C1QTNF8: variants seen among roughly 807,000 people sequenced by gnomAD.
C1QTNF8 encodes C1q and TNF related 8.
Under a neutral mutation model 19.2 loss-of-function variants are expected in C1QTNF8, and 27 were observed. The ratio of observed to expected loss-of-function variants is 1.41; its 90% CI spans 1.04 to 1.94. The LOEUF is 1.94. Among genes scored for constraint, C1QTNF8 ranks in the 30% most tolerant of loss-of-function variants. The pLI is 0.00. For missense variants in C1QTNF8, 484 were observed against 374.4 expected (o/e 1.29, Z -2.42); for synonymous variants, 208 against 172.8 (o/e 1.20, Z -1.60).
intron 4 of C1QTNF8, among the ~76,000 whole-genome samples, chr16:1,091,626 C>T (rs1253264896): frequency 6.6e-6 from 1 of 152,178 alleles, no homozygotes; most frequent in Non-Finnish European, 1.5e-5. Flanking sequence ...ACAACTGCAG[C>T]CAGGCCATGT....
At position 1,093,818 on chromosome 16, in the gene C1QTNF8, C is replaced by T. The variant is rs917368351; in HGVS notation, c.442G>A (p.Ala148Thr). The T allele has an allele frequency of 6.2e-7, 1 of 1,609,920 alleles. No homozygotes were observed. The highest frequency in any genetic ancestry group is 8.5e-7 in the Non-Finnish European group (1 of 1,179,564). ...FDTELVNLDGAFDLAAGRFLC... is the reference protein window; with the variant it reads ...FDTELVNLDGTFDLAAGRFLC... ...AAGCGGCCCGCGGCCAGGTCGAAGG[C>T]GCCGTCCAGGTTCACCAGCTCCGTG... Residue 148 changes from alanine to threonine, a missense_variant, in exon 4 of 5, where the codon GCC becomes ACC. Transcript: ENST00000328449.
rs138636330 is a variant in C1QTNF8 at position 1,094,171 on chromosome 16, G to A, written c.209-120C>T. 351 of 772,976 alleles carry A rather than the reference G, an allele frequency of 4.5e-4. 1 individual carries two copies. In the African/African-American group the frequency reaches 5.9e-3, roughly 13 times the overall value. The allele number at this position is 772,976 out of a possible 1,614,324, so 47.9% of individuals were successfully genotyped here. A position where few individuals can be genotyped will look rare whatever the true frequency, so the allele number is the denominator to read the frequency against. On this transcript the variant is annotated intron_variant, in intron 3 of 4. Coordinates refer to ENST00000328449, the MANE Select transcript of C1QTNF8 (RefSeq NM_207419.3). The stretch of plus-strand genomic sequence containing the variant: ...CTGTAAGGACACACTCTTTGCAAGT[G>A]ACGGCCCCTCTCCCAGTCTCCGCGT...
At position 1,094,927 on chromosome 16, in the gene C1QTNF8, G is replaced by A; in HGVS notation, c.-5C>T. ...CAGCAGGGCGGGGGCTGCCATCTTGGCCAGGGCTGGGGGAGAGGAAAGAGG... is the reference window on the plus strand; with the variant it reads ...CAGCAGGGCGGGGGCTGCCATCTTGACCAGGGCTGGGGGAGAGGAAAGAGG... On this transcript the variant is annotated 5_prime_UTR_variant, in exon 3 of 5. Transcript: ENST00000328449. 1 of 1,295,242 alleles carries A rather than the reference G, an allele frequency of 7.7e-7. No homozygotes were observed. The highest frequency in any genetic ancestry group is 3.1e-5 in the East Asian group (1 of 32,196). 80.2% of individuals were successfully genotyped at this position (1,295,242 alleles called of 1,614,324 possible). A position where few individuals can be genotyped will look rare whatever the true frequency, so the allele number is the denominator to read the frequency against.
intron 3 of C1QTNF8, 93 bp downstream of exon 3, chr16:1,094,622 C>T: frequency 1.9e-6 from 2 of 1,060,110 alleles, no homozygotes; most frequent in Non-Finnish European, 2.7e-6. Context: ...CGTGCCCCTC[C>T]CGCCCCTCCT....
chr16:1,094,488 C>A (rs942099538), intron 3 of C1QTNF8: 1 of 494,822 alleles, frequency 2.0e-6, no homozygotes, highest in Non-Finnish European at 3.5e-6. Context: ...CCCCCTTCCC[C>A]AGGATCCTCA....
At position 1,089,960 on chromosome 16, in the gene C1QTNF8, C is replaced by T. The variant is rs976258515; in HGVS notation, c.*639G>A. 1.3e-5 allele frequency: 2 copies of T among 152,366 alleles called. No homozygotes were observed. The highest frequency in any genetic ancestry group is 3.9e-4 in the East Asian group (2 of 5,194). 9.4% of individuals were successfully genotyped at this position (152,366 alleles called of 1,614,324 possible). The stretch of plus-strand genomic sequence containing the variant: ...CCGCTATCCCAGCCAGGAGCAGACT[C>T]AGGCCCTGGGCCAAAGTGCAGCCTG... On this transcript the variant is annotated 3_prime_UTR_variant, in exon 5 of 5. Transcript: ENST00000328449.
chr16:1,091,708 G>A (rs1187263715), intron 4 of C1QTNF8, among the ~76,000 whole-genome samples: 4 of 152,126 alleles, frequency 2.6e-5, no homozygotes, highest in Non-Finnish European at 5.9e-5. Flanking sequence ...CGGCTCTGGT[G>A]CCCATCAGGG....
In C1QTNF8 at chr16:1,088,534, G is replaced by A. The variant is rs1381238506; in HGVS notation, c.*2065C>T. On this transcript the variant is annotated 3_prime_UTR_variant, in exon 5 of 5. Transcript: ENST00000328449. ...AGCATCCCTCTTTCCGCTCCCACCT[G>A]GCACTGGCAGCGTCCCTCAGGCTTT... Among the ~76,000 whole-genome samples the A allele has an allele frequency of 6.6e-6, 1 of 152,206 alleles. No individual in the cohort carries two copies. The highest frequency in any genetic ancestry group is 1.5e-5 in the Non-Finnish European group (1 of 68,034).
chr16:1,093,414 C>A lies in C1QTNF8; in HGVS notation c.*4+83G>T, dbSNP rs1439130965. The A allele has an allele frequency of 3.1e-5, 28 of 909,204 alleles. No individual in the cohort carries two copies. The South Asian group carries it at 3.5e-4, about 11-fold the overall frequency. The allele number at this position is 909,204 out of a possible 1,614,324, so 56.3% of individuals were successfully genotyped here. A position where few individuals can be genotyped will look rare whatever the true frequency, so the allele number is the denominator to read the frequency against. Reference sequence around the variant, plus strand: ...CCCACACCCACCCACACACACACACCCACACCCACCCCCACACACACACAC... The same window carrying A: ...CCCACACCCACCCACACACACACACACACACCCACCCCCACACACACACAC... On this transcript the variant is annotated intron_variant, in intron 4 of 4. Coordinates refer to ENST00000328449, the MANE Select transcript of C1QTNF8 (RefSeq NM_207419.3).
chr16:1,093,609 G>T lies in C1QTNF8; in HGVS notation c.651C>A (p.Val217=). 1 of 1,604,466 alleles carries T rather than the reference G, an allele frequency of 6.2e-7. No individual in the cohort carries two copies. Among genetic ancestry groups the T allele is most frequent in the Non-Finnish European group, 8.5e-7 (1 of 1,175,894 alleles). Residue 217 remains valine, a synonymous_variant, in exon 4 of 5, where the codon GTC becomes GTA. Coordinates refer to ENST00000328449, the MANE Select transcript of C1QTNF8 (RefSeq NM_207419.3). ...LMLLLAAGDA[V]WVRMFQRDRD... is the part of the protein sequence containing the mutation. Reference sequence around the variant, plus strand: ...GGTCGCGCTGGAACATGCGCACCCAGACGGCGTCGCCCGCCGCCAGCAGCA... The same window carrying T: ...GGTCGCGCTGGAACATGCGCACCCATACGGCGTCGCCCGCCGCCAGCAGCA...
rs763691047 is a variant in C1QTNF8 at position 1,093,517 on chromosome 16, G to A, written c.743C>T (p.Pro248Leu). The change falls in exon 4 of 5, where the codon CCG becomes CTG. Residue 248 changes from proline (P) to leucine (L), a missense_variant. Pro to Leu is a moderately conservative substitution (Grantham distance 98). Transcript: ENST00000328449. ...YITFSGHLVKPAAEL is the reference protein window; with the variant it reads ...YITFSGHLVKLAAEL ...CTCACCCGGCTACAGCTCGGCGGCC[G>A]GCTTGACCAGGTGGCCGCTGAAGGT... 3.9e-6 allele frequency: 6 copies of A among 1,541,200 alleles called. No individual in the cohort carries two copies. The highest frequency in any genetic ancestry group is 4.0e-4 in the Middle Eastern group (2 of 5,036).
rs768564044 is a variant in C1QTNF8, at chr16:1,093,961, C to T, written c.299G>A (p.Gly100Asp). ...PGARGLQGRRGQKGQVGPPGA... is the reference protein window; with the variant it reads ...PGARGLQGRRDQKGQVGPPGA... ...CGGCGGCCCCACCTGCCCCTTCTGG[C>T]CTCTGCGGCCCTGCAGGCCCCGGGC... Residue 100 changes from glycine (G) to aspartate (D), a missense_variant, in exon 4 of 5, where the codon GGC (glycine) becomes GAC (aspartate). Transcript: ENST00000328449. 12 of 1,481,158 alleles carry T rather than the reference C, an allele frequency of 8.1e-6. No individual in the cohort carries two copies. In the African/African-American group the frequency reaches 1.6e-4, roughly 20 times the overall value. The allele number at this position is 1,481,158 out of a possible 1,614,324, so 91.8% of individuals were successfully genotyped here. A position where few individuals can be genotyped will look rare whatever the true frequency, so the allele number is the denominator to read the frequency against.
At position 1,093,466 on chromosome 16, in the gene C1QTNF8, G is replaced by C. The variant is rs1466762136; in HGVS notation, c.*4+31C>G. 1.2e-5 allele frequency: 16 copies of C among 1,356,796 alleles called. 1 individual carries two copies. Among genetic ancestry groups the C allele is most frequent in the Admixed American group, 8.5e-5 (3 of 35,416 alleles). The allele number at this position is 1,356,796 out of a possible 1,614,324, so 84.0% of individuals were successfully genotyped here. On this transcript the variant is annotated intron_variant, in intron 4 of 4. Coordinates refer to ENST00000328449, the MANE Select transcript of C1QTNF8 (RefSeq NM_207419.3). ...CAGACACACACACACACGCGCGCGC[G>C]CGCCCGGTGCTCAGCCGCGGGGCCC...
chr16:1,088,857 G>A lies in C1QTNF8; in HGVS notation c.*1742C>T, dbSNP rs1018998896. ...TATCCGCAGCTGCAACTACCTATAGGCCACGGCGACGTCTGTGCGGGGAGG... is the reference window on the plus strand; with the variant it reads ...TATCCGCAGCTGCAACTACCTATAGACCACGGCGACGTCTGTGCGGGGAGG... On this transcript the variant is annotated 3_prime_UTR_variant, in exon 5 of 5. Coordinates refer to ENST00000328449, the MANE Select transcript of C1QTNF8 (RefSeq NM_207419.3). 3.3e-5 allele frequency among the ~76,000 whole-genome samples: 2 copies of A among 60,624 alleles called. No homozygotes were observed. The highest frequency in any genetic ancestry group is 6.7e-5 in the Non-Finnish European group (2 of 29,954). The allele number at this position is 60,624 out of a possible 152,430, so 39.8% of individuals were successfully genotyped here.
In C1QTNF8 at chr16:1,094,915, G is replaced by C; in HGVS notation, c.8C>G (p.Ala3Gly). The stretch of plus-strand genomic sequence containing the variant: ...CAGTGCTAGGAGCAGCAGGGCGGGG[G>C]CTGCCATCTTGGCCAGGGCTGGGGG... MA[A>G]PALLLLALLL... is the part of the protein sequence containing the mutation. The change falls in exon 3 of 5, where the codon GCC (alanine) becomes GGC (glycine). Residue 3 changes from alanine to glycine, a missense_variant. Coordinates refer to ENST00000328449, the MANE Select transcript of C1QTNF8 (RefSeq NM_207419.3). 1 of 1,312,910 alleles carries C rather than the reference G, an allele frequency of 7.6e-7. No individual in the cohort carries two copies. Among genetic ancestry groups the C allele is most frequent in the Non-Finnish European group, 9.8e-7 (1 of 1,025,166 alleles). 81.3% of individuals were successfully genotyped at this position (1,312,910 alleles called of 1,614,324 possible).
intron 2 of C1QTNF8, 75 bp from the exon 3 acceptor site, chr16:1,095,008 G>A (rs182514786): frequency 7.1e-4 from 429 of 607,114 alleles, no homozygotes; most frequent in African/African-American, 6.5e-3. Flanking sequence ...ACGGCAGCCC[G>A]GCCCTGCCCC....
At position 1,093,813 on chromosome 16, in the gene C1QTNF8, G is replaced by A; in HGVS notation, c.447C>T (p.Phe149=). The A allele has an allele frequency of 6.2e-7, 1 of 1,610,378 alleles. No homozygotes were observed. The highest frequency in any genetic ancestry group is 1.7e-4 in the Middle Eastern group (1 of 6,054). Residue 149 remains phenylalanine, a synonymous_variant, in exon 4 of 5, where the codon TTC becomes TTT. Coordinates refer to ENST00000328449, the MANE Select transcript of C1QTNF8 (RefSeq NM_207419.3). The part of the protein sequence containing the change: ...DTELVNLDGA[F]DLAAGRFLCT... ...AGAGGAAGCGGCCCGCGGCCAGGTC[G>A]AAGGCGCCGTCCAGGTTCACCAGCT... is the stretch of plus-strand genomic sequence containing the variant.
In C1QTNF8 at chr16:1,090,449, C is replaced by T. The variant is rs1481509878; in HGVS notation, c.*150G>A. 6.6e-6 allele frequency: 1 copy of T among 152,390 alleles called. No homozygotes were observed. The highest frequency in any genetic ancestry group is 1.5e-5 in the Non-Finnish European group (1 of 68,176). The allele number at this position is 152,390 out of a possible 1,614,324, so 9.4% of individuals were successfully genotyped here. On this transcript the variant is annotated 3_prime_UTR_variant, in exon 5 of 5. Transcript: ENST00000328449. The stretch of plus-strand genomic sequence containing the variant: ...GCCTGGGGAGTGGCTCCAGCACACA[C>T]ACGCGGGTTCTGCAGACTCTGGCCG...
At chr16:1,091,887 A>T (rs1960552033) in intron 4 of C1QTNF8, among the ~76,000 whole-genome samples, 1 of 150,772 alleles carries the variant, frequency 6.6e-6, no homozygotes, top group Non-Finnish European at 1.5e-5. Context: ...CACCGCCTGG[A>T]AGTGACCGTC....
Sources: allele counts gnomAD v4.1 joint callset (sites outside exome capture counted in the v4.1 genomes callset), GRCh38; gene constraint gnomAD v4.1.1; transcripts MANE v1.5; gene names NCBI Gene and HGNC (gene_info 2026-07-23, HGNC 2026-07-21).